Variants in BACH2 observed in about 807,000 individuals in gnomAD.
BACH2 encodes the protein transcription regulator protein BACH2.
BACH2 carries 5 observed loss-of-function variants against 61.8 expected under a neutral mutation model. The ratio of observed to expected loss-of-function variants is 0.08; its 90% CI spans 0.04 to 0.17. The LOEUF (loss-of-function observed/expected upper bound fraction) is 0.17, where lower values mean the gene tolerates loss of function less well. Among genes scored for constraint, BACH2 ranks in the 10% least tolerant of loss-of-function variants. The pLI is 1.00. For synonymous variants in BACH2, 446 were observed against 440.1 expected, an observed-to-expected ratio of 1.01 and a Z score of -0.17; for missense variants, 824 against 1,091.1, an observed-to-expected ratio of 0.76 and a Z score of 3.45.
chr6:90,295,727 A>G (rs552511956), intron 1 of BACH2, among the ~76,000 whole-genome samples: 3 of 151,644 alleles, frequency 2.0e-5, no homozygotes, highest in East Asian at 3.9e-4. Context: ...AGGAGGTGCA[A>G]GGTTTCCCTC....
At chr6:90,016,134 A>G (rs1298330800) in intron 5 of BACH2, among the ~76,000 whole-genome samples, 2 of 152,016 alleles carry the variant, frequency 1.3e-5, no homozygotes, top group African/African-American at 4.8e-5. Context: ...TTATTCTTTT[A>G]ACCTTTTTGT....
intron 5 of BACH2, among the ~76,000 whole-genome samples, chr6:90,019,360 G>T (rs1195262037): frequency 6.6e-6 from 1 of 152,178 alleles, no homozygotes; most frequent in Non-Finnish European, 1.5e-5. Context: ...AATAAAAAGA[G>T]AAATGAAAGT....
chr6:90,239,786 AG>A (rs1189643748), intron 3 of BACH2, among the ~76,000 whole-genome samples: 213 of 133,638 alleles, frequency 1.6e-3, no homozygotes, highest in Middle Eastern at 0.011. Flanking sequence ...CTCCATAGTA[AG>A]GGGGGGGGAA....
chr6:90,217,415 A>G (rs1769575513), intron 3 of BACH2, among the ~76,000 whole-genome samples: 1 of 152,202 alleles, frequency 6.6e-6, no homozygotes, highest in East Asian at 1.9e-4. Flanking sequence ...CCTACATTCT[A>G]TCTAGGGTGG....
intron 6 of BACH2, among the ~76,000 whole-genome samples, chr6:89,959,096 T>TGC (rs1554220424): frequency 2.2e-4 from 23 of 106,894 alleles, no homozygotes; most frequent in South Asian, 6.7e-4. Flanking sequence ...CATGCACAAG[T>TGC]GCACACACAC....
rs138976646 is a variant in BACH2, at chr6:89,951,025, G to T, written c.1081C>A (p.Gln361Lys). The part of the protein sequence containing the change: ...VELSGLPSTS[Q>K]QHFARSPACP... Reference sequence around the variant, plus strand: ...GCTGGACTCCTGGCAAAGTGCTGCTGAGATGTACTGGGCAGGCCAGACAGC... The same window carrying T: ...GCTGGACTCCTGGCAAAGTGCTGCTTAGATGTACTGGGCAGGCCAGACAGC... Residue 361 changes from glutamine to lysine, a missense_variant, in exon 7 of 9, where the codon CAG (glutamine) becomes AAG (lysine). Gln to Lys is a moderately conservative substitution (Grantham distance 53). Transcript: ENST00000257749. This position sits in a 1 kb window ranked among gnomAD's most constrained non-coding sequence, Gnocchi z 6.4. 12 of 1,602,800 alleles carry T rather than the reference G, an allele frequency of 7.5e-6. No individual in the cohort carries two copies. The Admixed American group carries it at 1.9e-4, about 25-fold the overall frequency.
chr6:90,225,479 A>G (rs1769882202), intron 3 of BACH2, among the ~76,000 whole-genome samples: 1 of 152,132 alleles, frequency 6.6e-6, no homozygotes, highest in African/African-American at 2.4e-5. Flanking sequence ...AACTTGTTGT[A>G]AGGTAACAGG....
intron 5 of BACH2, among the ~76,000 whole-genome samples, chr6:90,030,465 A>T (rs1562383418): frequency 1.3e-5 from 2 of 152,148 alleles, no homozygotes; most frequent in African/African-American, 2.4e-5. Flanking sequence ...AGCAAGACTA[A>T]TCAAGAAGAA....
At chr6:90,287,384 T>G (rs1772053212) in intron 1 of BACH2, among the ~76,000 whole-genome samples, 1 of 152,168 alleles carries the variant, frequency 6.6e-6, no homozygotes, top group African/African-American at 2.4e-5. Context: ...CGCTGCTTTT[T>G]TTTTCTTCTA....
At chr6:89,965,672 G>C (rs188777087) in intron 6 of BACH2, among the ~76,000 whole-genome samples, 20 of 152,330 alleles carry the variant, frequency 1.3e-4, no homozygotes, top group Non-Finnish European at 4.4e-5. Context: ...CATATTTGAA[G>C]ACATCTGTCA....
chr6:89,982,027 G>C (rs1341124294), intron 6 of BACH2, among the ~76,000 whole-genome samples: 1 of 151,826 alleles, frequency 6.6e-6, no homozygotes, highest in Non-Finnish European at 1.5e-5. Context: ...CTGGAGTGTA[G>C]TGGGGAGACC....
intron 3 of BACH2, among the ~76,000 whole-genome samples, chr6:90,212,337 A>G (rs1769382917): frequency 6.6e-6 from 1 of 152,116 alleles, no homozygotes; most frequent in Non-Finnish European, 1.5e-5. Flanking sequence ...CTTCTTTCCA[A>G]GTGGCTGGCT....
At chr6:89,947,604 C>T (rs527273546) in intron 7 of BACH2, among the ~76,000 whole-genome samples, 1 of 151,148 alleles carries the variant, frequency 6.6e-6, no homozygotes, top group East Asian at 2.0e-4. Flanking sequence ...CTCGCTCTGT[C>T]ACCCAGGCAG....
chr6:90,222,917 G>C lies in BACH2; in HGVS notation c.-274-16236C>G, dbSNP rs563563282. Among the ~76,000 whole-genome samples, 62 of 151,476 alleles carry C rather than the reference G, an allele frequency of 4.1e-4. No individual in the cohort carries two copies. In the South Asian group the frequency reaches 0.011, roughly 27 times the overall value. On this transcript the variant is annotated intron_variant, in intron 3 of 8. Transcript: ENST00000257749. ...CTGCTCTCAAACAGTCCTTCCTGCC[G>C]AAACTACTCAACCCGCCACTCTGGC...
intron 4 of BACH2, among the ~76,000 whole-genome samples, chr6:90,164,235 A>G (rs1231505960): frequency 6.6e-6 from 1 of 152,242 alleles, no homozygotes; most frequent in Non-Finnish European, 1.5e-5. Flanking sequence ...AGGGGATATC[A>G]CCACTGATCC....
intron 3 of BACH2, among the ~76,000 whole-genome samples, chr6:90,245,776 G>C (rs1770614083): frequency 6.6e-6 from 1 of 152,072 alleles, no homozygotes; most frequent in South Asian, 2.1e-4. Flanking sequence ...GTCTGAATTT[G>C]AAACAAGAGA....
chr6:90,097,279 T>A (rs77781752), intron 4 of BACH2, among the ~76,000 whole-genome samples: 21 of 134,500 alleles, frequency 1.6e-4, no homozygotes, highest in South Asian at 4.8e-4. Context: ...AGATTTTTTT[T>A]AAAAATAGTG....
chr6:90,227,453 C>G (rs1769953743), intron 3 of BACH2, among the ~76,000 whole-genome samples: 1 of 152,172 alleles, frequency 6.6e-6, no homozygotes, highest in Non-Finnish European at 1.5e-5. Flanking sequence ...GAAAACAGCT[C>G]ACAAAATGAG....
chr6:90,066,400 T>A (rs1273626171), intron 5 of BACH2, among the ~76,000 whole-genome samples: 1 of 152,108 alleles, frequency 6.6e-6, no homozygotes, highest in African/African-American at 2.4e-5. Context: ...ACACTGACTT[T>A]CAGGGATTTG....
Sources: allele counts gnomAD v4.1 joint callset (sites outside exome capture counted in the v4.1 genomes callset), GRCh38; gene constraint gnomAD v4.1.1; non-coding constraint Gnocchi (gnomAD v3.1); transcripts MANE v1.5; gene names NCBI Gene and HGNC (gene_info 2026-07-23, HGNC 2026-07-21).